Variants in THSD4 observed in about 807,000 individuals in gnomAD.
The protein encoded by THSD4 is thrombospondin type 1 domain containing 4.
THSD4 carries 69 observed loss-of-function variants against 119.0 expected under a neutral mutation model. The observed-to-expected ratio is 0.58, with a 90% CI of 0.48 to 0.71. The LOEUF is 0.71. Ranked by LOEUF, THSD4 falls within the 30% of genes least tolerant of loss-of-function variation. THSD4 has a pLI of 0.00. For synonymous variants in THSD4, 524 were observed against 540.4 expected (o/e 0.97, Z 0.42); for missense variants, 1,393 against 1,391.1 (o/e 1.00, Z -0.02).
intron 7 of THSD4, among the ~76,000 whole-genome samples, chr15:71,511,589 T>G (rs1004767548): frequency 6.6e-6 from 1 of 152,254 alleles, no homozygotes; most frequent in South Asian, 2.1e-4. Context: ...GCTTTTGTTT[T>G]GGCTTTTGCT....
intron 3 of THSD4, among the ~76,000 whole-genome samples, chr15:71,201,071 C>T (rs1273765948): frequency 6.6e-6 from 1 of 152,092 alleles, no homozygotes; most frequent in Non-Finnish European, 1.5e-5. Flanking sequence ...CCCCCAGTGC[C>T]GACTTCCATT....
At chr15:71,117,374 A>G (rs2040372186) in intron 1 of THSD4, among the ~76,000 whole-genome samples, 2 of 151,924 alleles carry the variant, frequency 1.3e-5, no homozygotes, top group Non-Finnish European at 2.9e-5. Flanking sequence ...ACTTGTGGAG[A>G]TTGCAATCAG....
intron 3 of THSD4, among the ~76,000 whole-genome samples, chr15:71,159,102 C>T (rs983363953): frequency 5.3e-5 from 8 of 152,038 alleles, no homozygotes; most frequent in Non-Finnish European, 8.8e-5. Context: ...ATATGTGTTC[C>T]TGGCATCTTT....
intron 7 of THSD4, among the ~76,000 whole-genome samples, chr15:71,632,562 T>C (rs2050653258): frequency 6.6e-6 from 1 of 152,274 alleles, no homozygotes; most frequent in Non-Finnish European, 1.5e-5. Context: ...GACTGGCTTT[T>C]CTTGCTTATG....
intron 8 of THSD4, among the ~76,000 whole-genome samples, chr15:71,663,083 T>G (rs2051343060): frequency 6.6e-6 from 1 of 151,920 alleles, no homozygotes; most frequent in Admixed American, 6.6e-5. Flanking sequence ...AGACCCCATC[T>G]CTACAAAAAA....
At chr15:71,553,561 A>G (rs1449946036) in intron 7 of THSD4, among the ~76,000 whole-genome samples, 1 of 152,164 alleles carries the variant, frequency 6.6e-6, no homozygotes, top group African/African-American at 2.4e-5. Flanking sequence ...TCCTGACCTC[A>G]GGTGATCCAC....
chr15:71,335,928 G>C (rs1039961073), intron 6 of THSD4, among the ~76,000 whole-genome samples: 1 of 152,196 alleles, frequency 6.6e-6, no homozygotes, highest in African/African-American at 2.4e-5. Context: ...AGAAGGGCAT[G>C]GGGGTGGGTT....
At chr15:71,352,486 G>T (rs1278077267) in intron 6 of THSD4, among the ~76,000 whole-genome samples, 1 of 152,186 alleles carries the variant, frequency 6.6e-6, no homozygotes, top group Admixed American at 6.5e-5. Flanking sequence ...TACTGTGTAT[G>T]CTGGAGCTGT....
At chr15:71,289,506 C>T (rs977935151) in intron 6 of THSD4, among the ~76,000 whole-genome samples, 1 of 152,136 alleles carries the variant, frequency 6.6e-6, no homozygotes, top group Admixed American at 6.5e-5. Context: ...TCAGGGAACC[C>T]AGGCTGAGAT....
At chr15:71,329,162 G>A (rs974450694) in intron 6 of THSD4, among the ~76,000 whole-genome samples, 40 of 152,272 alleles carry the variant, frequency 2.6e-4, no homozygotes, top group African/African-American at 9.4e-4. Flanking sequence ...GTTAAATTTA[G>A]ATAAAAATCA....
intron 6 of THSD4, among the ~76,000 whole-genome samples, chr15:71,266,200 A>G (rs533887117): frequency 9.9e-4 from 150 of 152,162 alleles, no homozygotes; most frequent in Non-Finnish European, 1.4e-3. Flanking sequence ...GACACCTCAT[A>G]CAGGAGAGCG....
upstream of THSD4, among the ~76,000 whole-genome samples, chr15:71,114,222 A>G (rs866958578): frequency 6.9e-6 from 1 of 145,260 alleles, no homozygotes; most frequent in Admixed American, 6.9e-5. Context: ...CCTTTTGTTA[A>G]TTTTTTTTTT....
chr15:71,672,058 C>T lies in THSD4; in HGVS notation c.1357+11324C>T, dbSNP rs187180069. Among the ~76,000 whole-genome samples, 1,069 of 152,276 alleles carry T rather than the reference C, an allele frequency of 7.0e-3. 14 individuals carry two copies. Among genetic ancestry groups the T allele is most frequent in the African/African-American group, 0.025 (1,023 of 41,550 alleles). ...TAGCTTAATGGGGATGGCATTGAAT[C>T]TATAAATTACCTTGGGCAGTATGGC... On this transcript the variant is annotated intron_variant, in intron 8 of 17. Coordinates refer to ENST00000261862, the MANE Select transcript of THSD4 (RefSeq NM_024817.3).
chr15:71,437,908 T>C (rs865960988), intron 7 of THSD4, among the ~76,000 whole-genome samples: 1 of 152,240 alleles, frequency 6.6e-6, no homozygotes, highest in Non-Finnish European at 1.5e-5. Context: ...TCCTGTAGTA[T>C]TATTAGTTTT....
intron 7 of THSD4, among the ~76,000 whole-genome samples, chr15:71,490,675 G>T (rs1203823061): frequency 3.9e-5 from 6 of 152,044 alleles, no homozygotes; most frequent in Admixed American, 3.9e-4. Flanking sequence ...GTTGCAGTGA[G>T]CCAAGGTCGC....
chr15:71,446,100 C>A (rs2047177235), intron 7 of THSD4, among the ~76,000 whole-genome samples: 1 of 152,200 alleles, frequency 6.6e-6, no homozygotes, highest in South Asian at 2.1e-4. Context: ...TAACTAATCA[C>A]CCAGGCCAGA....
chr15:71,646,865 CAG>C, intron 7 of THSD4, among the ~76,000 whole-genome samples: 1 of 152,292 alleles, frequency 6.6e-6, no homozygotes, highest in Non-Finnish European at 1.5e-5. Context: ...CACCTGGAAT[CAG>C]AGAATCACAT....
At position 71,524,593 on chromosome 15, in the gene THSD4, T is replaced by C. The variant is rs1350418422; in HGVS notation, c.1152+112770T>C. On this transcript the variant is annotated intron_variant, in intron 7 of 17. Coordinates refer to ENST00000261862, the MANE Select transcript of THSD4 (RefSeq NM_024817.3). ...CCCTTCTTGGTTTATGCCTCTTTTT[T>C]TTTTTTTTTTTTTTTTTTTTTTGAG... 7.2e-5 allele frequency among the ~76,000 whole-genome samples: 7 copies of C among 97,032 alleles called. No homozygotes were observed. In the East Asian group the frequency reaches 1.8e-3, roughly 25 times the overall value. 63.7% of individuals were successfully genotyped at this position (97,032 alleles called of 152,430 possible). A position where few individuals can be genotyped will look rare whatever the true frequency, so the allele number is the denominator to read the frequency against.
At chr15:71,571,131 C>G (rs571395945) in intron 7 of THSD4, among the ~76,000 whole-genome samples, 3 of 152,240 alleles carry the variant, frequency 2.0e-5, no homozygotes, top group Non-Finnish European at 4.4e-5. Flanking sequence ...TTCCTTGATA[C>G]TTTGTCTTCC....
Sources: allele counts gnomAD v4.1 joint callset (sites outside exome capture counted in the v4.1 genomes callset), GRCh38; gene constraint gnomAD v4.1.1; transcripts MANE v1.5; gene names NCBI Gene and HGNC (gene_info 2026-07-23, HGNC 2026-07-21).